The following SLC15A3 variants were observed in gnomAD, a reference collection of about 807,000 sequenced individuals.
SLC15A3 encodes osteoclast transporter.
A neutral mutation model predicts 49.2 loss-of-function variants in SLC15A3; 39 were observed. The observed-to-expected ratio is 0.79, with a 90% confidence interval of 0.61 to 1.04. The LOEUF (loss-of-function observed/expected upper bound fraction) is 1.04, where lower values mean the gene tolerates loss of function less well. Among genes scored for constraint, SLC15A3 ranks in the 50% least tolerant of loss-of-function variants. SLC15A3 has a pLI of 0.00. For missense variants in SLC15A3, 758 were observed against 794.8 expected (o/e 0.95, Z 0.56); for synonymous variants, 339 against 367.0 (o/e 0.92, Z 0.87).
At chr11:60,950,918 C>T in intron 1 of SLC15A3, 76 bp downstream of exon 1, 2 of 1,353,078 alleles carry the variant, frequency 1.5e-6, no homozygotes, top group Non-Finnish European at 1.9e-6. Context: ...TGGTTTGTCC[C>T]AGGTCACGCT....
At position 60,939,614 on chromosome 11, in the gene SLC15A3, T is replaced by C. The variant is rs1384498988; in HGVS notation, c.1301A>G (p.His434Arg). 10 of 1,613,892 alleles carry C rather than the reference T, an allele frequency of 6.2e-6. No individual in the cohort carries two copies. The highest frequency in any genetic ancestry group is 1.1e-5 in the South Asian group (1 of 91,084). Reference sequence around the variant, plus strand: ...CACGGTCTCGTTGTGGTGGATGTAGTGTAAGCGCTCCATCTCCAGGACTCC... The same window carrying C: ...CACGGTCTCGTTGTGGTGGATGTAGCGTAAGCGCTCCATCTCCAGGACTCC... Reference protein sequence around the residue: ...VAGVLEMERLHYIHHNETVSQ... With the variant: ...VAGVLEMERLRYIHHNETVSQ... Residue 434 changes from histidine (H) to arginine (R), a missense_variant, in exon 6 of 8, where the codon CAC (histidine) becomes CGC (arginine). This residue lies in a region of SLC15A3 where 699 missense variants were observed against 706.7 expected (regional missense o/e 0.99). Transcript: ENST00000227880.
intron 1 of SLC15A3, among the ~76,000 whole-genome samples, chr11:60,949,485 G>A (rs867500287): frequency 0.019 from 1,591 of 83,260 alleles, 60 homozygotes; most frequent in African/African-American, 0.077. Context: ...AGAAAGAAAG[G>A]AAGAAAGAAA....
At chr11:60,943,668 A>C (rs1485133456) in intron 3 of SLC15A3, 21 bp downstream of exon 3, 7 of 1,493,042 alleles carry the variant, frequency 4.7e-6, no homozygotes, top group Non-Finnish European at 6.3e-6. Context: ...GCCCCCAGAG[A>C]AAAAGGGCAG....
intron 3 of SLC15A3, 185 bp from the exon 4 acceptor site, chr11:60,942,330 C>A: frequency 1.8e-6 from 1 of 568,250 alleles, no homozygotes. Flanking sequence ...AGGGAGCTTC[C>A]TGTGCTCTGC....
chr11:60,945,546 C>A (rs1856788944), intron 2 of SLC15A3, among the ~76,000 whole-genome samples: 1 of 152,226 alleles, frequency 6.6e-6, no homozygotes, highest in Non-Finnish European at 1.5e-5. Context: ...AAACCTCTAG[C>A]AATATGCCAG....
intron 6 of SLC15A3, among the ~76,000 whole-genome samples, chr11:60,938,332 C>T (rs1197965081): frequency 6.6e-6 from 1 of 152,186 alleles, no homozygotes; most frequent in Non-Finnish European, 1.5e-5. Context: ...TCTTTACCTC[C>T]TCTCTCTCCC....
At chr11:60,938,727 C>T (rs1392502865) in intron 6 of SLC15A3, among the ~76,000 whole-genome samples, 1 of 152,196 alleles carries the variant, frequency 6.6e-6, no homozygotes, top group East Asian at 1.9e-4. Flanking sequence ...TATGCTGTTC[C>T]CTCTGCCTGT....
rs1554986442 is a variant in SLC15A3, at chr11:60,949,564, G to GAAAGAAGGAAAAGA, written c.558+1429_558+1430insTCTTTTCCTTCTTT. Reference sequence around the variant, plus strand: ...AGAAAGAAAGAAAGAAAGAAAGAAAGAAAGAAAAGAGATGGCCAGGGCTGG... The same window carrying GAAAGAAGGAAAAGA: ...AGAAAGAAAGAAAGAAAGAAAGAAAGAAAGAAGGAAAAGAAAAGAAAAGAGATGGCCAGGGCTGG... On this transcript the variant is annotated intron_variant, in intron 1 of 7. Transcript: ENST00000227880. 1.7e-5 allele frequency among the ~76,000 whole-genome samples: 2 copies of GAAAGAAGGAAAAGA among 117,912 alleles called. 1 individual carries two copies. Among genetic ancestry groups the GAAAGAAGGAAAAGA allele is most frequent in the Non-Finnish European group, 3.7e-5 (2 of 53,590 alleles). 77.4% of individuals were successfully genotyped at this position (117,912 alleles called of 152,430 possible).
At chr11:60,938,989 A>G (rs1856668871) in intron 6 of SLC15A3, among the ~76,000 whole-genome samples, 1 of 150,524 alleles carries the variant, frequency 6.6e-6, no homozygotes, top group African/African-American at 2.4e-5. Flanking sequence ...TCTAGCTCCC[A>G]GCCCGGGGAA....
chr11:60,948,267 A>G (rs1449536923), intron 1 of SLC15A3, among the ~76,000 whole-genome samples: 2 of 152,192 alleles, frequency 1.3e-5, no homozygotes, highest in Non-Finnish European at 2.9e-5. Flanking sequence ...CTCGCTCTAG[A>G]CTTTCAAGCA....
At chr11:60,945,950 C>T (rs1237503110) in intron 2 of SLC15A3, among the ~76,000 whole-genome samples, 2 of 152,178 alleles carry the variant, frequency 1.3e-5, no homozygotes, top group South Asian at 2.1e-4. Context: ...ATCCTTACTA[C>T]CATCTTCACT....
At chr11:60,941,087 A>C (rs1391245034) in intron 5 of SLC15A3, 35 bp downstream of exon 5, 26 of 1,578,616 alleles carry the variant, frequency 1.6e-5, no homozygotes, top group Non-Finnish European at 2.2e-5. Flanking sequence ...CCCAAGCCCA[A>C]AGTTCAGCCC....
chr11:60,943,661 C>G, intron 3 of SLC15A3, 28 bp downstream of exon 3: 1 of 1,487,078 alleles, frequency 6.7e-7, no homozygotes, highest in Non-Finnish European at 9.0e-7. Context: ...GAGCCAGGCC[C>G]CCAGAGAAAA....
At chr11:60,937,568 T>C (rs1856638601) in intron 7 of SLC15A3, 195 bp from the exon 8 acceptor site, 1 of 775,758 alleles carries the variant, frequency 1.3e-6, no homozygotes, top group African/African-American at 1.7e-5. Context: ...CCTCTTCAGC[T>C]ATTCAGAAGG....
rs530292037 is a variant in SLC15A3, at chr11:60,949,379, A to G, written c.558+1615T>C. 2.0e-5 allele frequency among the ~76,000 whole-genome samples: 3 copies of G among 149,332 alleles called. No individual in the cohort carries two copies. The South Asian group carries it at 6.4e-4, about 32-fold the overall frequency. The stretch of plus-strand genomic sequence containing the variant: ...AGGAAAGAAGGAAAGAAAGAGAAAG[A>G]AAGAGAGAGAGAGAAAGAGAAAGAA... On this transcript the variant is annotated intron_variant, in intron 1 of 7. Transcript: ENST00000227880.
Position 60,951,552 on chromosome 11 carries a change from C to A in SLC15A3, c.-1G>T. 1 of 1,135,252 alleles carries A rather than the reference C, an allele frequency of 8.8e-7. No individual in the cohort carries two copies. The highest frequency in any genetic ancestry group is 4.3e-5 in the South Asian group (1 of 23,146). 70.3% of individuals were successfully genotyped at this position (1,135,252 alleles called of 1,614,324 possible). ...GCTCCCGGGCGCGCGGCGCGGGCATCCTGGCTCCGGGCTGGGCCCCCCGCG... is the reference window on the plus strand; with the variant it reads ...GCTCCCGGGCGCGCGGCGCGGGCATACTGGCTCCGGGCTGGGCCCCCCGCG... On this transcript the variant is annotated 5_prime_UTR_variant, in exon 1 of 8. Coordinates refer to ENST00000227880, the MANE Select transcript of SLC15A3 (RefSeq NM_016582.3).
intron 5 of SLC15A3, 54 bp downstream of exon 5, chr11:60,941,068 G>C: frequency 6.4e-7 from 1 of 1,553,992 alleles, no homozygotes; most frequent in Non-Finnish European, 8.7e-7. Context: ...CATGGTGGAA[G>C]CAGACTTCCC....
At chr11:60,938,070 C>G (rs1248772781) in intron 6 of SLC15A3, 45 bp from the exon 7 acceptor site, 1 of 1,598,986 alleles carries the variant, frequency 6.3e-7, no homozygotes, top group Non-Finnish European at 8.5e-7. Flanking sequence ...GGTGCAGGCG[C>G]AGAGAACAGG....
chr11:60,941,214 T>G lies in SLC15A3; in HGVS notation c.1184A>C (p.Asp395Ala). The G allele has an allele frequency of 1.9e-6, 3 of 1,614,026 alleles. No individual in the cohort carries two copies. The highest frequency in any genetic ancestry group is 2.5e-6 in the Non-Finnish European group (3 of 1,179,982). The change falls in exon 5 of 8, where the codon GAC becomes GCC. Residue 395 changes from aspartate to alanine, a missense_variant. This residue lies in a region of SLC15A3 where 699 missense variants were observed against 706.7 expected (regional missense o/e 0.99). Coordinates refer to ENST00000227880, the MANE Select transcript of SLC15A3 (RefSeq NM_016582.3). ...ILVPLKDRLI[D>A]PLLLRCKLLP... Reference sequence around the variant, plus strand: ...CAGCTTGCACCGCAGCAGTAAAGGGTCGATCAAGCGGTCCTTCAGAGGGAC... The same window carrying G: ...CAGCTTGCACCGCAGCAGTAAAGGGGCGATCAAGCGGTCCTTCAGAGGGAC...
Sources: allele counts gnomAD v4.1 joint callset (sites outside exome capture counted in the v4.1 genomes callset), GRCh38; gene constraint gnomAD v4.1.1; regional missense constraint gnomAD v4.1.1; transcripts MANE v1.5; gene names NCBI Gene and HGNC (gene_info 2026-07-23, HGNC 2026-07-21).